LRRC4C: variants seen among roughly 807,000 people sequenced by gnomAD.
LRRC4C encodes the protein leucine-rich repeat-containing protein 4C.
LRRC4C carries 5 observed loss-of-function variants against 33.6 expected under a neutral mutation model. That is an observed-to-expected ratio of 0.15 (90% CI 0.08 to 0.31). The LOEUF is 0.31. Among genes scored for constraint, LRRC4C ranks in the 10% least tolerant of loss-of-function variants. The pLI, the probability that LRRC4C is intolerant of heterozygous loss-of-function variation, is 1.00. For synonymous variants in LRRC4C, 329 were observed against 302.0 expected, an observed-to-expected ratio of 1.09 and a Z score of -0.93; for missense variants, 560 against 796.7, an observed-to-expected ratio of 0.70 and a Z score of 3.58.
chr11:40,584,190 A>ATATATATATATATATATATATATG (rs1958604573), intron 3 of LRRC4C, among the ~76,000 whole-genome samples: 3 of 130,404 alleles, frequency 2.3e-5, no homozygotes, highest in Non-Finnish European at 4.8e-5. Context: ...ATATATATAT[A>ATATATATATATATATATATATATG]TATATATATA....
At position 41,188,911 on chromosome 11, in the gene LRRC4C, CCA is replaced by C. The variant is rs1491128435; in HGVS notation, c.-495-255190_-495-255189del. Among the ~76,000 whole-genome samples the C allele has an allele frequency of 7.3e-3, 916 of 125,236 alleles. 4 individuals are homozygous for C. Among genetic ancestry groups the C allele is most frequent in the African/African-American group, 0.014 (500 of 35,536 alleles). 82.2% of individuals were successfully genotyped at this position (125,236 alleles called of 152,430 possible). A position where few individuals can be genotyped will look rare whatever the true frequency, so the allele number is the denominator to read the frequency against. On this transcript the variant is annotated intron_variant, in intron 1 of 6. Coordinates refer to ENST00000528697, the MANE Select transcript of LRRC4C (RefSeq NM_001258419.2). Reference sequence around the variant, plus strand: ...CACAAAACAGGACCTGCCCCCCCCCCCAAAAAAAAGTATAATTTATGTTGGCA... The same window carrying C: ...CACAAAACAGGACCTGCCCCCCCCCCAAAAAAAGTATAATTTATGTTGGCA...
At chr11:40,510,380 T>C (rs1955253187) in intron 3 of LRRC4C, among the ~76,000 whole-genome samples, 1 of 151,938 alleles carries the variant, frequency 6.6e-6, no homozygotes, top group African/African-American at 2.4e-5. Flanking sequence ...AAAATGGGTC[T>C]AGTTGATTTC....
chr11:41,300,724 A>G (rs1477737955), intron 1 of LRRC4C, among the ~76,000 whole-genome samples: 7 of 152,162 alleles, frequency 4.6e-5, no homozygotes, highest in Non-Finnish European at 7.4e-5. Flanking sequence ...GCTAACCAGA[A>G]CTTAACTATG....
chr11:40,115,447 C>T lies in LRRC4C; in HGVS notation c.846G>A (p.Leu282=). The change falls in exon 7 of 7, where the codon CTG becomes CTA. Residue 282 remains leucine, a synonymous_variant. Coordinates refer to ENST00000528697, the MANE Select transcript of LRRC4C (RefSeq NM_001258419.2). The surrounding 1 kb of genome is among the most constrained non-coding windows in gnomAD (Gnocchi z 6.7). ...GCAAGGGAGTGAAGAGGTCATGAGG[C>T]AGTAATGTTAGATTATTGTGTGCCA... ...INLAHNNLTL[L]PHDLFTPLHH... is the part of the protein sequence containing the mutation. 1 of 1,614,128 alleles carries T rather than the reference C, an allele frequency of 6.2e-7. No individual in the cohort carries two copies. Among genetic ancestry groups the T allele is most frequent in the South Asian group, 1.1e-5 (1 of 91,084 alleles).
intron 1 of LRRC4C, among the ~76,000 whole-genome samples, chr11:41,381,055 A>G (rs1953127177): frequency 6.6e-6 from 1 of 152,150 alleles, no homozygotes; most frequent in African/African-American, 2.4e-5. Flanking sequence ...ATCTGAAGCC[A>G]CACTTGTAAA....
intron 1 of LRRC4C, among the ~76,000 whole-genome samples, chr11:41,340,595 TG>T (rs1380485779): frequency 6.6e-6 from 1 of 152,162 alleles, no homozygotes; most frequent in Non-Finnish European, 1.5e-5. Context: ...TTTATGTGTT[TG>T]GGGCCCTTAT....
chr11:40,186,249 C>T (rs145298339), intron 5 of LRRC4C, among the ~76,000 whole-genome samples: 1 of 152,108 alleles, frequency 6.6e-6, no homozygotes, highest in East Asian at 1.9e-4. Flanking sequence ...ACTGACTTAC[C>T]CTGTATCATA....
At chr11:40,588,309 G>A (rs1958860967) in intron 3 of LRRC4C, among the ~76,000 whole-genome samples, 1 of 151,938 alleles carries the variant, frequency 6.6e-6, no homozygotes, top group Non-Finnish European at 1.5e-5. Flanking sequence ...ATTTCTGTGG[G>A]ATCGGTGGTG....
At chr11:41,268,114 C>A (rs1949208924) in intron 1 of LRRC4C, among the ~76,000 whole-genome samples, 1 of 152,124 alleles carries the variant, frequency 6.6e-6, no homozygotes, top group Non-Finnish European at 1.5e-5. Context: ...CCTGGCTACA[C>A]TACACAATGT....
At chr11:41,319,396 A>C (rs893095000) in intron 1 of LRRC4C, among the ~76,000 whole-genome samples, 1 of 152,206 alleles carries the variant, frequency 6.6e-6, no homozygotes, top group Non-Finnish European at 1.5e-5. Context: ...CTGTGGTCAG[A>C]CTTTAAAGGC....
intron 2 of LRRC4C, among the ~76,000 whole-genome samples, chr11:40,731,911 T>C (rs1477123628): frequency 6.6e-6 from 1 of 152,132 alleles, no homozygotes; most frequent in African/African-American, 2.4e-5. Flanking sequence ...CTAAATATGT[T>C]GCTAAATATG....
At chr11:41,456,776 C>T (rs546718236) in intron 1 of LRRC4C, among the ~76,000 whole-genome samples, 31 of 152,216 alleles carry the variant, frequency 2.0e-4, no homozygotes, top group African/African-American at 6.5e-4. Context: ...CCCTGGTAAA[C>T]GTCAAAACCC....
intron 1 of LRRC4C, among the ~76,000 whole-genome samples, chr11:41,294,754 A>G (rs1248300689): frequency 6.6e-6 from 1 of 152,212 alleles, no homozygotes; most frequent in African/African-American, 2.4e-5. Context: ...ATGTATCCCA[A>G]TAAAACTATT....
At chr11:40,711,038 G>A (rs1440153020) in intron 2 of LRRC4C, among the ~76,000 whole-genome samples, 1 of 152,166 alleles carries the variant, frequency 6.6e-6, no homozygotes, top group Non-Finnish European at 1.5e-5. Context: ...CATTTGCTAA[G>A]ACCACTGGAA....
At chr11:40,571,270 G>T (rs912992731) in intron 3 of LRRC4C, among the ~76,000 whole-genome samples, 2 of 152,070 alleles carry the variant, frequency 1.3e-5, no homozygotes, top group African/African-American at 4.8e-5. Flanking sequence ...ATCTGAATTT[G>T]AAAAGTAAAA....
intron 4 of LRRC4C, among the ~76,000 whole-genome samples, chr11:40,282,244 C>T (rs1445363093): frequency 6.6e-6 from 1 of 152,100 alleles, no homozygotes; most frequent in Non-Finnish European, 1.5e-5. Flanking sequence ...ACTCGGGAGG[C>T]TGAGGCAGGA....
At chr11:40,890,122 G>T (rs1955634912) in intron 2 of LRRC4C, among the ~76,000 whole-genome samples, 1 of 152,130 alleles carries the variant, frequency 6.6e-6, no homozygotes. Flanking sequence ...ATGGAGAATT[G>T]ACATTTGTGT....
At position 40,691,065 on chromosome 11, in the gene LRRC4C, G is replaced by C. The variant is rs541497968; in HGVS notation, c.-406-42787C>G. 3.3e-5 allele frequency among the ~76,000 whole-genome samples: 5 copies of C among 152,092 alleles called. No homozygotes were observed. In the East Asian group the frequency reaches 9.7e-4, roughly 29 times the overall value. On this transcript the variant is annotated intron_variant, in intron 2 of 6. Coordinates refer to ENST00000528697, the MANE Select transcript of LRRC4C (RefSeq NM_001258419.2). ...CAACTTCAGCCATGCAGGTCCCCTC[G>C]ACCATGTGCAGCAAGAGATTTAGAT...
At chr11:40,429,262 T>C (rs1950825026) in intron 3 of LRRC4C, among the ~76,000 whole-genome samples, 1 of 152,134 alleles carries the variant, frequency 6.6e-6, no homozygotes, top group South Asian at 2.1e-4. Context: ...TTAGTAGAGA[T>C]GAGGTTTCAC....
Sources: gnomAD v4.1 joint callset for allele counts (sites outside exome capture counted in the v4.1 genomes callset) on GRCh38, gnomAD v4.1.1 for gene constraint, Gnocchi (gnomAD v3.1) non-coding constraint, MANE v1.5 for transcripts, NCBI Gene and HGNC (gene_info 2026-07-23, HGNC 2026-07-21) for gene names.